Variants in MROH1 observed in about 807,000 individuals in gnomAD.
MROH1 encodes the protein maestro heat-like repeat-containing protein family member 1.
Under a neutral mutation model 116.5 loss-of-function variants are expected in MROH1, and 117 were observed. The ratio of observed to expected loss-of-function variants is 1.00; its 90% CI spans 0.86 to 1.17. MROH1 has a LOEUF of 1.17. Among genes scored for constraint, MROH1 ranks in the 50% most tolerant of loss-of-function variants. The probability of loss-of-function intolerance (pLI) is 0.00; values close to 1 mark genes in which losing one functional copy is unlikely to be tolerated. For missense variants in MROH1, 1,873 were observed against 1,338.5 expected, an observed-to-expected ratio of 1.40 and a Z score of -6.23; for synonymous variants, 921 against 583.9, an observed-to-expected ratio of 1.58 and a Z score of -8.32.
rs1818418942 is a variant in MROH1, at chr8:144,157,390, C to G, written c.-176-3580C>G. On this transcript the variant is annotated intron_variant, in intron 1 of 43. Coordinates refer to ENST00000326134, the MANE Select transcript of MROH1 (RefSeq NM_032450.3). ...AGTCTGTATAGCTTTCTTACAAGGT[C>G]TTTGGTTTTGTTATGAGAGTAATGC... is the stretch of plus-strand genomic sequence containing the variant. 2.0e-5 allele frequency among the ~76,000 whole-genome samples: 3 copies of G among 152,120 alleles called. No homozygotes were observed. The South Asian group carries it at 6.2e-4, about 32-fold the overall frequency.
chr8:144,177,794 C>T (rs1444053478), intron 4 of MROH1, among the ~76,000 whole-genome samples: 5 of 152,156 alleles, frequency 3.3e-5, no homozygotes, highest in Non-Finnish European at 7.3e-5. Context: ...TCTTCCTCCT[C>T]CTCTGTCTTC....
rs922172215 is a variant in MROH1 at position 144,261,216 on chromosome 8, G to A, written c.4774G>A (p.Gly1592Arg). The A allele has an allele frequency of 9.2e-6, 7 of 763,838 alleles. No individual in the cohort carries two copies. Among genetic ancestry groups the A allele is most frequent in the Admixed American group, 3.4e-5 (2 of 58,984 alleles). The allele number at this position is 763,838 out of a possible 1,614,324, so 47.3% of individuals were successfully genotyped here. A position where few individuals can be genotyped will look rare whatever the true frequency, so the allele number is the denominator to read the frequency against. ...CCGAGCTGCTGCACCCCTGTTCACC[G>A]GTAAGCACCACCCCCTGCCCCACCC... is the stretch of plus-strand genomic sequence containing the variant. ...NVRAAAPLFT[G>R]FLVLHSEPRQ... Residue 1592 changes from glycine to arginine, a missense_variant and splice_region_variant, in exon 42 of 44, where the codon GGG becomes AGG. By Grantham distance (125) the Gly-to-Arg change is moderately radical (BLOSUM62 -2). Coordinates refer to ENST00000326134, the MANE Select transcript of MROH1 (RefSeq NM_032450.3).
chr8:144,191,801 C>T lies in MROH1; in HGVS notation c.801C>T (p.Leu267=), dbSNP rs1426100390. The change falls in exon 9 of 44, where the codon CTC becomes CTT. Residue 267 remains leucine (L), a synonymous_variant. Coordinates refer to ENST00000326134, the MANE Select transcript of MROH1 (RefSeq NM_032450.3). ...ERLEEQLPKL[L]PGILALYKKH... is the part of the protein sequence containing the mutation. Reference sequence around the variant, plus strand: ...TGGAAGAGCAGCTGCCCAAGCTCCTCCCTGGGATTCTCGCCCTCTACAAGA... The same window carrying T: ...TGGAAGAGCAGCTGCCCAAGCTCCTTCCTGGGATTCTCGCCCTCTACAAGA... 6.2e-7 allele frequency: 1 copy of T among 1,613,530 alleles called. No individual in the cohort carries two copies. Among genetic ancestry groups the T allele is most frequent in the Non-Finnish European group, 8.5e-7 (1 of 1,179,854 alleles).
At chr8:144,221,321 A>C (rs1437864347) in intron 13 of MROH1, among the ~76,000 whole-genome samples, 2 of 152,108 alleles carry the variant, frequency 1.3e-5, no homozygotes, top group African/African-American at 2.4e-5. Context: ...GGACAAGAAC[A>C]TTCTTACCAG....
intron 31 of MROH1, among the ~76,000 whole-genome samples, chr8:144,248,417 C>G (rs970328181): frequency 2.0e-5 from 3 of 152,224 alleles, no homozygotes; most frequent in Non-Finnish European, 4.4e-5. Context: ...TAGGAATGGC[C>G]TTCCAGGTCC....
rs1025712517 is a variant in MROH1, at chr8:144,259,991, A to C, written c.4125A>C (p.Thr1375=). 1 of 736,718 alleles carries C rather than the reference A, an allele frequency of 1.4e-6. No individual in the cohort carries two copies. 45.6% of individuals were successfully genotyped at this position (736,718 alleles called of 1,614,324 possible). The change falls in exon 38 of 44, where the codon ACA becomes ACC. Residue 1375 remains threonine, a synonymous_variant. Coordinates refer to ENST00000326134, the MANE Select transcript of MROH1 (RefSeq NM_032450.3). ...LESLAARQKD[T]CASVRRLVLR... is the part of the protein sequence containing the mutation. ...GCCTGGCGGCTCGCCAGAAGGACAC[A>C]TGCGCCAGCGTGCGGAGGCTGGTGC... is the stretch of plus-strand genomic sequence containing the variant.
intron 4 of MROH1, among the ~76,000 whole-genome samples, chr8:144,178,545 A>C (rs1824700096): frequency 6.6e-6 from 1 of 152,090 alleles, no homozygotes; most frequent in Non-Finnish European, 1.5e-5. Flanking sequence ...TTGAGATTAC[A>C]GGCGTGAGCC....
intron 12 of MROH1, among the ~76,000 whole-genome samples, chr8:144,207,394 G>A (rs990876024): frequency 6.6e-6 from 1 of 152,030 alleles, no homozygotes; most frequent in African/African-American, 2.4e-5. Flanking sequence ...CACCATGTTG[G>A]CCAGGATGGT....
chr8:144,246,299 G>A (rs904375387), intron 29 of MROH1, among the ~76,000 whole-genome samples: 79 of 151,676 alleles, frequency 5.2e-4, no homozygotes, highest in African/African-American at 1.9e-3. Context: ...AGTAGAGATG[G>A]GGTTTCATCC....
At chr8:144,165,522 G>A (rs996479041) in intron 3 of MROH1, among the ~76,000 whole-genome samples, 2 of 152,062 alleles carry the variant, frequency 1.3e-5, no homozygotes, top group South Asian at 2.1e-4. Context: ...CTCCTACCTC[G>A]GCTTCACAAA....
chr8:144,212,088 G>GTTTGTTTT (rs1302758105), intron 12 of MROH1, among the ~76,000 whole-genome samples: 1 of 151,756 alleles, frequency 6.6e-6, no homozygotes, highest in East Asian at 1.9e-4. Flanking sequence ...TTGTTTGTTT[G>GTTTGTTTT]TTTGTTTGTT....
chr8:144,202,384 C>G (rs943511153), intron 12 of MROH1, among the ~76,000 whole-genome samples: 3 of 143,640 alleles, frequency 2.1e-5, no homozygotes, highest in African/African-American at 7.9e-5. Context: ...AGCGCAGGCT[C>G]TCTGTGGAGG....
rs748060057 is a variant in MROH1 at position 144,190,925 on chromosome 8, G to A, written c.704G>A (p.Arg235Gln). ...DVLFHQWLQS[R>Q]EAKLRLAVVE... ...CTCTTCCATCAGTGGCTGCAGAGTC[G>A]AGAAGCCAAGGTATGCCCCGTGGCT... Residue 235 changes from arginine to glutamine, a missense_variant, in exon 8 of 44, where the codon CGA becomes CAA. Arg to Gln is a conservative substitution (Grantham distance 43). Coordinates refer to ENST00000326134, the MANE Select transcript of MROH1 (RefSeq NM_032450.3). The A allele has an allele frequency of 6.8e-6, 11 of 1,612,968 alleles. No individual in the cohort carries two copies. The highest frequency in any genetic ancestry group is 2.2e-5 in the South Asian group (2 of 91,044).
intron 12 of MROH1, chr8:144,213,056 G>C: frequency 1.3e-6 from 1 of 779,604 alleles, no homozygotes; most frequent in Admixed American, 1.7e-5. Flanking sequence ...GAAACATGAG[G>C]ACTGCCCTGC....
Position 144,168,460 on chromosome 8 carries a change from G to A in MROH1, c.168+20G>A, listed in dbSNP as rs1447658701. On this transcript the variant is annotated intron_variant, in intron 4 of 43. Transcript: ENST00000326134. ...GACAAGGTATGTGTGCTCCTTGGTGGGGATGATGTTGTCAGGGCCATGGTC... is the reference window on the plus strand; with the variant it reads ...GACAAGGTATGTGTGCTCCTTGGTGAGGATGATGTTGTCAGGGCCATGGTC... 2 of 1,587,338 alleles carry A rather than the reference G, an allele frequency of 1.3e-6. No homozygotes were observed. The highest frequency in any genetic ancestry group is 1.7e-6 in the Non-Finnish European group (2 of 1,166,254).
At chr8:144,247,171 T>C (rs1842059674) in intron 29 of MROH1, 130 bp from the exon 30 acceptor site, 1 of 671,350 alleles carries the variant, frequency 1.5e-6, no homozygotes, top group Admixed American at 2.1e-5. Context: ...TTGGCCACAC[T>C]GAGGGCCCAG....
chr8:144,192,411 G>A lies in MROH1; in HGVS notation c.948+10G>A, dbSNP rs770013484. 12 of 1,569,236 alleles carry A rather than the reference G, an allele frequency of 7.6e-6. No individual in the cohort carries two copies. Among genetic ancestry groups the A allele is most frequent in the Admixed American group, 5.5e-5 (3 of 54,558 alleles). ...TGCACTGCACTCCCAGGTAGGAGGC[G>A]GGCGTCAGGGGGCGGGTCCAGGTTC... On this transcript the variant is annotated intron_variant, in intron 10 of 43. Transcript: ENST00000326134.
chr8:144,230,076 C>T (rs1471051658), intron 14 of MROH1, among the ~76,000 whole-genome samples: 3 of 152,076 alleles, frequency 2.0e-5, no homozygotes, highest in Non-Finnish European at 4.4e-5. Context: ...TTGCTAATCT[C>T]CTGGACAACT....
chr8:144,171,072 C>T (rs1014455287), intron 4 of MROH1, among the ~76,000 whole-genome samples: 1 of 152,224 alleles, frequency 6.6e-6, no homozygotes, highest in Admixed American at 6.5e-5. Flanking sequence ...GTGCAGTGGA[C>T]ACCAGCTGGG....
Sources: gnomAD v4.1 joint callset for allele counts (sites outside exome capture counted in the v4.1 genomes callset) on GRCh38, gnomAD v4.1.1 for gene constraint, MANE v1.5 for transcripts, NCBI Gene and HGNC (gene_info 2026-07-23, HGNC 2026-07-21) for gene names.